NTM: variants seen among roughly 807,000 people sequenced by gnomAD.
NTM encodes the protein neurotrimin, also known as IgLON family member 2.
NTM carries 13 observed loss-of-function variants against 42.1 expected under a neutral mutation model. That is an observed-to-expected ratio of 0.31 (90% CI 0.20 to 0.49). The LOEUF is 0.49. NTM is among the 20% of genes least tolerant of loss of function. The pLI, the probability that NTM is intolerant of heterozygous loss-of-function variation, is 0.99. For missense variants in NTM, 373 were observed against 452.8 expected, an observed-to-expected ratio of 0.82 and a Z score of 1.60; for synonymous variants, 187 against 179.2, an observed-to-expected ratio of 1.04 and a Z score of -0.35.
chr11:132,272,279 G>A (rs535618531), intron 4 of NTM, among the ~76,000 whole-genome samples: 1 of 152,112 alleles, frequency 6.6e-6, no homozygotes, highest in Non-Finnish European at 1.5e-5. Context: ...GATTACTGTA[G>A]CTTTATAGTG....
At chr11:132,005,519 T>C (rs1005312468) in intron 2 of NTM, among the ~76,000 whole-genome samples, 6 of 152,196 alleles carry the variant, frequency 3.9e-5, no homozygotes, top group African/African-American at 1.2e-4. Context: ...GATGAATGAA[T>C]GAATGTTGGA....
Position 131,370,908 on chromosome 11 carries a change from T to C in NTM, c.82+20T>C. 2 of 1,613,154 alleles carry C rather than the reference T, an allele frequency of 1.2e-6. No homozygotes were observed. Among genetic ancestry groups the C allele is most frequent in the Non-Finnish European group, 1.7e-6 (2 of 1,179,798 alleles). ...TCCAAGGTAAGAGCTTGCTATTGATTTGCCTTCGGTAGACCCAGGAATTGT... is the reference window on the plus strand; with the variant it reads ...TCCAAGGTAAGAGCTTGCTATTGATCTGCCTTCGGTAGACCCAGGAATTGT... On this transcript the variant is annotated intron_variant, in intron 1 of 8. Transcript: ENST00000683400.
rs1233815909 is a variant in NTM, at chr11:131,527,436, T to A, written c.82+156548T>A. Among the ~76,000 whole-genome samples, 4 of 152,232 alleles carry A rather than the reference T, an allele frequency of 2.6e-5. No individual in the cohort carries two copies. The East Asian group carries it at 7.7e-4, about 29-fold the overall frequency. ...CATGACCACCACCTGGATATTCTTATCACCATGCCTCTTCCATTTCCCAAA... is the reference window on the plus strand; with the variant it reads ...CATGACCACCACCTGGATATTCTTAACACCATGCCTCTTCCATTTCCCAAA... On this transcript the variant is annotated intron_variant, in intron 1 of 8. Transcript: ENST00000683400.
chr11:132,149,157 G>A (rs962809041), intron 3 of NTM, among the ~76,000 whole-genome samples: 4 of 139,418 alleles, frequency 2.9e-5, no homozygotes, highest in Admixed American at 7.6e-5. Context: ...TCTTCAAAGC[G>A]ATCAGACAAA....
At position 131,598,875 on chromosome 11, in the gene NTM, T is replaced by TTC. The variant is rs2060192027; in HGVS notation, c.82+227987_82+227988insTC. On this transcript the variant is annotated intron_variant, in intron 1 of 8. Transcript: ENST00000683400. ...TTCCTTCCTTCCTTCCTTCCTTCCT[T>TTC]CTTCCTTCCTTCCTTCCTTCCTTCC... Among the ~76,000 whole-genome samples, 6 of 35,004 alleles carry TTC rather than the reference T, an allele frequency of 1.7e-4. 1 individual carries two copies. Among genetic ancestry groups the TTC allele is most frequent in the East Asian group, 1.7e-3 (2 of 1,150 alleles). The allele number at this position is 35,004 out of a possible 152,430, so 23.0% of individuals were successfully genotyped here. A position where few individuals can be genotyped will look rare whatever the true frequency, so the allele number is the denominator to read the frequency against.
At chr11:132,207,522 A>G (rs923875274) in intron 3 of NTM, among the ~76,000 whole-genome samples, 2 of 152,196 alleles carry the variant, frequency 1.3e-5, no homozygotes, top group African/African-American at 4.8e-5. Context: ...TATAAATACA[A>G]TGCATAATAA....
intron 2 of NTM, among the ~76,000 whole-genome samples, chr11:131,965,082 G>A (rs1453714001): frequency 3.3e-5 from 5 of 152,258 alleles, no homozygotes; most frequent in Admixed American, 1.3e-4. Context: ...GGGGAAAGGG[G>A]TGGAAATAGA....
At chr11:132,176,378 A>G (rs1411101986) in intron 3 of NTM, among the ~76,000 whole-genome samples, 3 of 146,912 alleles carry the variant, frequency 2.0e-5, no homozygotes, top group Admixed American at 1.4e-4. Flanking sequence ...GAAAAAAAAA[A>G]CCTGTTTGAG....
chr11:131,666,252 G>A (rs892092122), intron 1 of NTM, among the ~76,000 whole-genome samples: 4 of 152,136 alleles, frequency 2.6e-5, no homozygotes, highest in African/African-American at 7.2e-5. Flanking sequence ...TACTGCTGTG[G>A]GAGAAGCAGT....
chr11:132,198,746 A>G (rs979033615), intron 3 of NTM, among the ~76,000 whole-genome samples: 1 of 152,224 alleles, frequency 6.6e-6, no homozygotes, highest in Non-Finnish European at 1.5e-5. Context: ...TGTGATATTT[A>G]TCAAGCATAA....
At chr11:132,136,077 C>T (rs1237662486) in intron 2 of NTM, among the ~76,000 whole-genome samples, 1 of 152,136 alleles carries the variant, frequency 6.6e-6, no homozygotes, top group Non-Finnish European at 1.5e-5. Context: ...TCCTCTCAGC[C>T]TCCTCACAGT....
At chr11:131,590,714 G>A (rs1203850818) in intron 1 of NTM, among the ~76,000 whole-genome samples, 1 of 152,240 alleles carries the variant, frequency 6.6e-6, no homozygotes, top group African/African-American at 2.4e-5. Context: ...CATGGCAATT[G>A]ATGTGAAGGC....
At chr11:132,052,962 T>A (rs2079074121) in intron 2 of NTM, among the ~76,000 whole-genome samples, 1 of 152,156 alleles carries the variant, frequency 6.6e-6, no homozygotes, top group Non-Finnish European at 1.5e-5. Context: ...AGAATAACAA[T>A]AATGAAACAA....
At chr11:131,929,677 CT>C (rs200166843) in intron 2 of NTM, among the ~76,000 whole-genome samples, 37 of 151,226 alleles carry the variant, frequency 2.4e-4, no homozygotes, top group African/African-American at 7.8e-4. Flanking sequence ...CAGACTTCCT[CT>C]TTTTTTTTGG....
rs184088642 is a variant in NTM, at chr11:132,104,642, G to A, written c.168-41640G>A. ...CATAATAATAATAATGGGTGTGGTA[G>A]TGCATGCTTTTAGTCCCAGCTACTC... On this transcript the variant is annotated intron_variant, in intron 2 of 8. Transcript: ENST00000683400. Among the ~76,000 whole-genome samples, 30 of 150,382 alleles carry A rather than the reference G, an allele frequency of 2.0e-4. No homozygotes were observed. The East Asian group carries it at 5.3e-3, about 26-fold the overall frequency.
intron 6 of NTM, among the ~76,000 whole-genome samples, chr11:132,313,685 A>G (rs1443288113): frequency 1.3e-5 from 2 of 152,160 alleles, no homozygotes; most frequent in Non-Finnish European, 2.9e-5. Context: ...ACATGTGCCT[A>G]CTGACTCCAA....
intron 1 of NTM, among the ~76,000 whole-genome samples, chr11:131,612,557 T>C (rs1369999388): frequency 6.6e-6 from 1 of 152,178 alleles, no homozygotes; most frequent in Non-Finnish European, 1.5e-5. Flanking sequence ...GAAGCAAAGC[T>C]CAGAAAAAGA....
At chr11:131,773,259 A>C (rs1427597943) in intron 1 of NTM, among the ~76,000 whole-genome samples, 3 of 152,130 alleles carry the variant, frequency 2.0e-5, no homozygotes. Flanking sequence ...TGGGGCAAAA[A>C]AGGGCCAAGC....
At chr11:131,401,812 A>ATATATATATGTG (rs1565465180) in intron 1 of NTM, among the ~76,000 whole-genome samples, 1 of 21,630 alleles carries the variant, frequency 4.6e-5, no homozygotes, top group African/African-American at 2.8e-4. Context: ...ATATATATAT[A>ATATATATATGTG]TATATATATA....
Sources: allele counts gnomAD v4.1 joint callset (sites outside exome capture counted in the v4.1 genomes callset), GRCh38; gene constraint gnomAD v4.1.1; transcripts MANE v1.5; gene names NCBI Gene and HGNC (gene_info 2026-07-23, HGNC 2026-07-21).